MYO1D: variants seen among roughly 807,000 people sequenced by gnomAD.
MYO1D encodes myosin ID.
A neutral mutation model predicts 122.0 loss-of-function variants in MYO1D; 83 were observed. That is an observed-to-expected ratio of 0.68 (90% confidence interval 0.57 to 0.82). The LOEUF is 0.82. MYO1D is among the 40% of genes least tolerant of loss of function. MYO1D has a pLI of 0.00. For synonymous variants in MYO1D, 464 were observed against 446.9 expected, an observed-to-expected ratio of 1.04 and a Z score of -0.48; for missense variants, 1,157 against 1,269.5, an observed-to-expected ratio of 0.91 and a Z score of 1.35.
chr17:32,814,412 T>C (rs1319322182), intron 1 of MYO1D, among the ~76,000 whole-genome samples: 1 of 152,228 alleles, frequency 6.6e-6, no homozygotes, highest in African/African-American at 2.4e-5. Context: ...CTTTTTTTCC[T>C]ACTGCACTTA....
intron 21 of MYO1D, among the ~76,000 whole-genome samples, chr17:32,563,757 C>T (rs1012686804): frequency 1.3e-5 from 2 of 152,228 alleles, no homozygotes; most frequent in African/African-American, 4.8e-5. Flanking sequence ...TGAACAGTCG[C>T]GTGGCTTCCT....
At chr17:32,763,459 G>T (rs2090023130) in intron 8 of MYO1D, among the ~76,000 whole-genome samples, 1 of 152,104 alleles carries the variant, frequency 6.6e-6, no homozygotes, top group Admixed American at 6.6e-5. Flanking sequence ...ACAATAAAAA[G>T]ATAACAGCTC....
chr17:32,700,581 G>A (rs2089234709), intron 16 of MYO1D, among the ~76,000 whole-genome samples: 1 of 152,162 alleles, frequency 6.6e-6, no homozygotes. Flanking sequence ...AAGATAAACT[G>A]ATTGCCTCTG....
chr17:32,812,038 G>C (rs1274330577), intron 1 of MYO1D, among the ~76,000 whole-genome samples: 1 of 152,162 alleles, frequency 6.6e-6, no homozygotes, highest in Non-Finnish European at 1.5e-5. Flanking sequence ...TTTCCTTGTA[G>C]TTTGTCACTT....
At position 32,679,741 on chromosome 17, in the gene MYO1D, G is replaced by A. The variant is rs191683835; in HGVS notation, c.2122-20403C>T. 2.0e-3 allele frequency among the ~76,000 whole-genome samples: 301 copies of A among 151,696 alleles called. 1 individual carries two copies. Among genetic ancestry groups the A allele is most frequent in the Non-Finnish European group, 2.6e-3 (175 of 68,006 alleles). Reference sequence around the variant, plus strand: ...TGGCTTAGGATTGACTTGGCAGTGCGGGGTCTTTTTTGGTTCCATATGAAC... The same window carrying A: ...TGGCTTAGGATTGACTTGGCAGTGCAGGGTCTTTTTTGGTTCCATATGAAC... On this transcript the variant is annotated intron_variant, in intron 16 of 21. Transcript: ENST00000318217.
rs146777093 is a variant in MYO1D, at chr17:32,599,160, T to C, written c.2864+5927A>G. 1.9e-4 allele frequency among the ~76,000 whole-genome samples: 29 copies of C among 152,368 alleles called. No homozygotes were observed. In the East Asian group the frequency reaches 4.0e-3, roughly 21 times the overall value. On this transcript the variant is annotated intron_variant, in intron 21 of 21. Transcript: ENST00000318217. ...ACCCATAATAGGATGTCTTTCAAAA[T>C]TGGAGTCAATCCTCTCAAACTCTGT...
chr17:32,783,983 T>C (rs1250068793), intron 1 of MYO1D, among the ~76,000 whole-genome samples: 1 of 152,116 alleles, frequency 6.6e-6, no homozygotes, highest in African/African-American at 2.4e-5. Context: ...CCCTGGGAAT[T>C]AAAAAAGGAG....
At chr17:32,621,553 T>C (rs1268699682) in intron 20 of MYO1D, among the ~76,000 whole-genome samples, 1 of 152,108 alleles carries the variant, frequency 6.6e-6, no homozygotes, top group East Asian at 1.9e-4. Context: ...AGACTGATGG[T>C]TCCCATGTGT....
intron 1 of MYO1D, among the ~76,000 whole-genome samples, chr17:32,864,901 C>T (rs767248241): frequency 5.3e-5 from 8 of 151,864 alleles, no homozygotes; most frequent in Non-Finnish European, 1.0e-4. Context: ...AGAGGTAGGA[C>T]ATAAATATAA....
intron 19 of MYO1D, 103 bp from the exon 20 acceptor site, chr17:32,638,938 C>A: frequency 1.3e-6 from 1 of 742,300 alleles, no homozygotes; most frequent in Admixed American, 1.9e-5. Flanking sequence ...CCATGTATGG[C>A]CACTCTACTG....
chr17:32,724,834 G>A (rs998880898), intron 14 of MYO1D, among the ~76,000 whole-genome samples: 1 of 152,098 alleles, frequency 6.6e-6, no homozygotes, highest in Admixed American at 6.5e-5. Context: ...TTGTTCTTAG[G>A]TAACTAAAAG....
chr17:32,661,171 C>T (rs1204250960), intron 16 of MYO1D, among the ~76,000 whole-genome samples: 1 of 152,126 alleles, frequency 6.6e-6, no homozygotes, highest in East Asian at 1.9e-4. Flanking sequence ...TCTTTTCTGA[C>T]AACCTTTATA....
chr17:32,742,733 C>T (rs1473465150), intron 13 of MYO1D, among the ~76,000 whole-genome samples: 4 of 152,216 alleles, frequency 2.6e-5, no homozygotes, highest in African/African-American at 4.8e-5. Context: ...TCCTCTCTCA[C>T]ATTCCTGTCT....
intron 20 of MYO1D, among the ~76,000 whole-genome samples, chr17:32,622,032 T>A (rs533311193): frequency 6.6e-6 from 1 of 152,326 alleles, no homozygotes; most frequent in South Asian, 2.1e-4. Context: ...TGGTTTCTTG[T>A]TACAGCACCC....
chr17:32,513,192 A>G (rs1329686449), intron 21 of MYO1D, among the ~76,000 whole-genome samples: 1 of 152,156 alleles, frequency 6.6e-6, no homozygotes, highest in Non-Finnish European at 1.5e-5. Flanking sequence ...AAATTGATAG[A>G]GATAAACTAG....
At chr17:32,732,926 T>G (rs1441626087) in intron 14 of MYO1D, among the ~76,000 whole-genome samples, 2 of 152,206 alleles carry the variant, frequency 1.3e-5, no homozygotes, top group East Asian at 3.8e-4. Flanking sequence ...TGGGCACCAC[T>G]GCATTCCCCA....
chr17:32,806,490 A>G (rs1361212401), intron 1 of MYO1D, among the ~76,000 whole-genome samples: 1 of 152,126 alleles, frequency 6.6e-6, no homozygotes, highest in Non-Finnish European at 1.5e-5. Flanking sequence ...CAGCCTCCTA[A>G]GTAGCTGGGG....
At chr17:32,537,221 G>A (rs544980408) in intron 21 of MYO1D, among the ~76,000 whole-genome samples, 2 of 152,270 alleles carry the variant, frequency 1.3e-5, no homozygotes, top group Admixed American at 6.5e-5. Context: ...AATATTCATA[G>A]TGTCCCAAGA....
At chr17:32,724,925 A>G (rs2089554780) in intron 14 of MYO1D, among the ~76,000 whole-genome samples, 1 of 152,238 alleles carries the variant, frequency 6.6e-6, no homozygotes, top group Non-Finnish European at 1.5e-5. Flanking sequence ...TTGCAAATAT[A>G]ATATTTGGAA....
Sources: allele counts gnomAD v4.1 joint callset (sites outside exome capture counted in the v4.1 genomes callset), GRCh38; gene constraint gnomAD v4.1.1; transcripts MANE v1.5; gene names NCBI Gene and HGNC (gene_info 2026-07-23, HGNC 2026-07-21).